VEGFD: variants seen among roughly 807,000 people sequenced by gnomAD.
The protein encoded by VEGFD is c-fos induced growth factor (vascular endothelial growth factor D).
Under a neutral mutation model 28.0 loss-of-function variants are expected in VEGFD, and 26 were observed. The ratio of observed to expected loss-of-function variants is 0.93; its 90% CI spans 0.68 to 1.29. The LOEUF is 1.29. Ranked by LOEUF, VEGFD falls within the 50% of genes most tolerant of loss-of-function variation. The pLI is 0.00. For synonymous variants in VEGFD, 93 were observed against 95.5 expected (o/e 0.97, Z 0.15); for missense variants, 294 against 273.4 (o/e 1.08, Z -0.53).
intron 1 of VEGFD, among the ~76,000 whole-genome samples, chrX:15,372,206 A>G (rs1156727625): frequency 8.9e-6 from 1 of 112,014 alleles, no homozygotes; most frequent in African/African-American, 3.2e-5. Flanking sequence ...GGAAAGCGCA[A>G]CAAGTTCCTG....
chrX:15,371,292 TCACATCAA>T (rs1161536529), intron 1 of VEGFD, among the ~76,000 whole-genome samples: 1 of 112,154 alleles, frequency 8.9e-6, no homozygotes, highest in Non-Finnish European at 1.9e-5. Flanking sequence ...CTCTTCTCTC[TCACATCAA>T]CATTTGTAAA....
At chrX:15,366,853 T>A (rs951818673) in intron 1 of VEGFD, among the ~76,000 whole-genome samples, 1 of 112,530 alleles carries the variant, frequency 8.9e-6, no homozygotes. Flanking sequence ...CAGCTTCAGC[T>A]TCATGGCTTT....
chrX:15,371,321 T>C (rs1448612065), intron 1 of VEGFD, among the ~76,000 whole-genome samples: 1 of 112,389 alleles, frequency 8.9e-6, no homozygotes, highest in Non-Finnish European at 1.9e-5. Context: ...ATTAATGTTA[T>C]AGTGGAAAAT....
chrX:15,350,785 CTCTT>C (rs1364646323), intron 5 of VEGFD, among the ~76,000 whole-genome samples: 5 of 70,434 alleles, frequency 7.1e-5, no homozygotes, highest in East Asian at 4.1e-4. Flanking sequence ...TTCTTTCTCT[CTCTT>C]TCTTTTCTTT....
intron 2 of VEGFD, among the ~76,000 whole-genome samples, chrX:15,360,214 T>C (rs1469855713): frequency 3.6e-5 from 4 of 111,808 alleles, no homozygotes; most frequent in Admixed American, 1.9e-4. Flanking sequence ...TTTTTTCATA[T>C]GTTGCTTCTT....
At chrX:15,376,019 A>G (rs1923430656) in intron 1 of VEGFD, among the ~76,000 whole-genome samples, 1 of 111,557 alleles carries the variant, frequency 9.0e-6, no homozygotes, top group Admixed American at 9.5e-5. Flanking sequence ...ACCCTCTAGA[A>G]GTATGCTCTG....
rs1922536489 is a variant in VEGFD, at chrX:15,346,046, T to C, written c.*87A>G. The C allele has an allele frequency of 9.2e-7, 1 of 1,086,794 alleles. No individual in the cohort carries two copies. The highest frequency in any genetic ancestry group is 1.2e-6 in the Non-Finnish European group (1 of 806,996). The allele number at this position is 1,086,794 out of a possible 1,213,427, so 89.6% of individuals were successfully genotyped here. On this transcript the variant is annotated 3_prime_UTR_variant, in exon 7 of 7. Transcript: ENST00000297904. ...TGCTGTGTAAAATGGATTTTTTTTTTAACACCTGGGAAAAAAACAGTGACA... is the reference window on the plus strand; with the variant it reads ...TGCTGTGTAAAATGGATTTTTTTTTCAACACCTGGGAAAAAAACAGTGACA...
At chrX:15,373,851 C>T (rs143064589) in intron 1 of VEGFD, among the ~76,000 whole-genome samples, 2,312 of 111,388 alleles carry the variant, frequency 0.021, 21 homozygotes, top group Middle Eastern at 0.042. Context: ...TCAACCAAAA[C>T]CACCAAATTT....
chrX:15,355,079 C>A, intron 4 of VEGFD, 71 bp downstream of exon 4: 1 of 934,608 alleles, frequency 1.1e-6, no homozygotes, highest in Non-Finnish European at 1.4e-6. Flanking sequence ...AATGAAAAAT[C>A]CTCTACACAC....
chrX:15,366,121 C>T (rs900270217), intron 1 of VEGFD, among the ~76,000 whole-genome samples: 6 of 111,414 alleles, frequency 5.4e-5, no homozygotes, highest in Non-Finnish European at 1.1e-4. Context: ...ATTCTCCCTC[C>T]TCAGCCTCCT....
chrX:15,366,563 T>A (rs778579780), intron 1 of VEGFD, among the ~76,000 whole-genome samples: 49 of 112,009 alleles, frequency 4.4e-4, no homozygotes, highest in Non-Finnish European at 7.3e-4. Flanking sequence ...TTAGAAGTTT[T>A]ATGGTTGTAC....
rs370603238 is a variant in VEGFD at position 15,347,300 on chromosome X, G to A, written c.802C>T (p.Arg268Cys). 25 of 1,209,581 alleles carry A rather than the reference G, an allele frequency of 2.1e-5. No homozygotes were observed. Among genetic ancestry groups the A allele is most frequent in the Admixed American group, 2.2e-5 (1 of 45,799 alleles). ...GGTGTTTTACAGACACACTCGCAACGATCTTCGTCAAACATCATGTGTGGC... is the reference window on the plus strand; with the variant it reads ...GGTGTTTTACAGACACACTCGCAACAATCTTCGTCAAACATCATGTGTGGC... ...CGPHMMFDED[R>C]CECVCKTPCP... The change falls in exon 6 of 7, where the codon CGT becomes TGT. Residue 268 changes from arginine (R) to cysteine (C), a missense_variant. Physicochemically the swap from Arg to Cys is radical, Grantham distance 180. Transcript: ENST00000297904.
At chrX:15,352,606 T>C (rs1434021662) in intron 5 of VEGFD, among the ~76,000 whole-genome samples, 1 of 112,371 alleles carries the variant, frequency 8.9e-6, no homozygotes, top group Non-Finnish European at 1.9e-5. Flanking sequence ...CCAAAATTAC[T>C]TTATGTTCCT....
At chrX:15,363,404 G>T in intron 1 of VEGFD, 85 bp from the exon 2 acceptor site, 2 of 740,319 alleles carry the variant, frequency 2.7e-6, no homozygotes, top group Non-Finnish European at 4.0e-6. Context: ...ACACTTAGAA[G>T]TGTAAATACA....
intron 1 of VEGFD, among the ~76,000 whole-genome samples, chrX:15,373,899 C>G (rs1052724839): frequency 1.8e-5 from 2 of 111,217 alleles, no homozygotes; most frequent in Admixed American, 9.6e-5. Flanking sequence ...TGTCTCACTC[C>G]ACTCCCGGCC....
intron 3 of VEGFD, among the ~76,000 whole-genome samples, chrX:15,356,344 GGTTTGCCAAATA>G (rs1171418360): frequency 9.0e-6 from 1 of 111,612 alleles, no homozygotes; most frequent in Non-Finnish European, 1.9e-5. Context: ...TCTAAGAGGT[GGTTTGCCAAATA>G]GTCCATAACT....
rs1923657690 is a variant in VEGFD, at chrX:15,384,135, A to C, written c.-189T>G. 2.6e-6 allele frequency: 1 copy of C among 390,018 alleles called. No homozygotes were observed. Among genetic ancestry groups the C allele is most frequent in the Non-Finnish European group, 4.5e-6 (1 of 224,589 alleles). The allele number at this position is 390,018 out of a possible 1,213,427, so 32.1% of individuals were successfully genotyped here. On this transcript the variant is annotated 5_prime_UTR_variant, in exon 1 of 7. It adds an upstream start codon to the 5' untranslated region. Transcript: ENST00000297904. ...TAGGCAAGGTACGCTTTTTTTGCAC[A>C]ATCTTAGGGGTGGGGAGAGAGAGAT...
intron 6 of VEGFD, 47 bp from the exon 7 acceptor site, chrX:15,346,306 A>G: frequency 1.7e-6 from 2 of 1,165,224 alleles, no homozygotes; most frequent in South Asian, 3.7e-5. Flanking sequence ...CAATGACTGG[A>G]TTCAAAAGAA....
chrX:15,363,073 AAGAG>A, intron 2 of VEGFD, 32 bp downstream of exon 2: 1 of 1,164,167 alleles, frequency 8.6e-7, no homozygotes, highest in Non-Finnish European at 1.2e-6. Flanking sequence ...CTATCTAATA[AAGAG>A]AAAGAATTTG....
Sources: allele counts gnomAD v4.1 joint callset (sites outside exome capture counted in the v4.1 genomes callset), GRCh38; gene constraint gnomAD v4.1.1; transcripts MANE v1.5; gene names NCBI Gene and HGNC (gene_info 2026-07-23, HGNC 2026-07-21).